Variants in AMMECR1 observed in about 807,000 individuals in gnomAD.
The protein encoded by AMMECR1 is AMMECR nuclear protein 1, also known as nuclear protein AMMECR1.
A neutral mutation model predicts 22.5 loss-of-function variants in AMMECR1; 3 were observed. The ratio of observed to expected loss-of-function variants is 0.13; its 90% CI spans 0.06 to 0.35. The LOEUF (loss-of-function observed/expected upper bound fraction) is 0.35, where lower values mean the gene tolerates loss of function less well. Among genes scored for constraint, AMMECR1 ranks in the 10% least tolerant of loss-of-function variants. AMMECR1 has a pLI of 1.00. For synonymous variants in AMMECR1, 130 were observed against 116.7 expected (o/e 1.11, Z -0.74); for missense variants, 235 against 278.7 (o/e 0.84, Z 1.12).
chrX:110,326,742 G>A (rs1174883222), intron 2 of AMMECR1, among the ~76,000 whole-genome samples: 2 of 112,028 alleles, frequency 1.8e-5, no homozygotes, highest in South Asian at 7.4e-4. Context: ...AAAGACACTG[G>A]ACGGTTTAGT....
intron 2 of AMMECR1, among the ~76,000 whole-genome samples, chrX:110,376,456 G>T (rs2068377242): frequency 9.0e-6 from 1 of 111,344 alleles, no homozygotes; most frequent in African/African-American, 3.3e-5. Context: ...TATTCTATTA[G>T]CCCAAGTGAG....
At chrX:110,334,194 G>C (rs1266358119) in intron 2 of AMMECR1, among the ~76,000 whole-genome samples, 2 of 110,792 alleles carry the variant, frequency 1.8e-5, no homozygotes, top group African/African-American at 6.6e-5. Context: ...TTGTGCTTTT[G>C]GTGCCATATT....
chrX:110,302,332 C>T (rs1373158488), intron 1 of AMMECR1, among the ~76,000 whole-genome samples: 1 of 110,781 alleles, frequency 9.0e-6, no homozygotes, highest in Non-Finnish European at 1.9e-5. Flanking sequence ...ACACTCAAAT[C>T]CAATGATTGA....
At chrX:110,290,791 A>G (rs748436564) in intron 1 of AMMECR1, among the ~76,000 whole-genome samples, 1 of 111,299 alleles carries the variant, frequency 9.0e-6, no homozygotes, top group East Asian at 2.8e-4. Flanking sequence ...TGTACAATAC[A>G]TATAAAATAC....
rs747141504 is a variant in AMMECR1 at position 110,433,354 on chromosome X, C to G, written c.-294+6536G>C. ...CAAAGGCAATTCCAAGCACTTCTCT[C>G]TCTTCCACTAAGCAGTCTGTTGTCA... On this transcript the variant is annotated intron_variant, in intron 1 of 7. Coordinates refer to the AMMECR1 transcript ENST00000372057. 3.6e-5 allele frequency among the ~76,000 whole-genome samples: 4 copies of G among 111,999 alleles called. No homozygotes were observed. The Admixed American group carries it at 3.8e-4, about 11-fold the overall frequency.
At chrX:110,295,528 T>C (rs2067931090) in intron 1 of AMMECR1, among the ~76,000 whole-genome samples, 1 of 111,907 alleles carries the variant, frequency 8.9e-6, no homozygotes, top group Non-Finnish European at 1.9e-5. Context: ...TTGAAGTTTA[T>C]CTAAAAAGGT....
At chrX:110,232,485 C>T (rs769291069) in intron 2 of AMMECR1, among the ~76,000 whole-genome samples, 8 of 111,868 alleles carry the variant, frequency 7.2e-5, no homozygotes, top group South Asian at 3.7e-4. Flanking sequence ...AAAGACACAA[C>T]GTACCGGAAT....
In AMMECR1 at chrX:110,352,250, A is replaced by C. The variant is rs1165064074; in HGVS notation, c.-147-34401T>G. On this transcript the variant is annotated intron_variant, in intron 2 of 7. Transcript: ENST00000372057. The stretch of plus-strand genomic sequence containing the variant: ...CCAAGAGAAATGAAAATACATGTTC[A>C]CACAAAAACTTGGATATGAATGTTC... Among the ~76,000 whole-genome samples, 3 of 112,199 alleles carry C rather than the reference A, an allele frequency of 2.7e-5. No homozygotes were observed. In the Admixed American group the frequency reaches 2.8e-4, roughly 11 times the overall value.
intron 1 of AMMECR1, among the ~76,000 whole-genome samples, chrX:110,435,292 C>T (rs1221173626): frequency 2.7e-5 from 3 of 111,628 alleles, no homozygotes; most frequent in Non-Finnish European, 5.7e-5. Flanking sequence ...TATCTTCTAA[C>T]AAAACCTAAT....
chrX:110,227,991 T>C (rs1231436723), intron 2 of AMMECR1, among the ~76,000 whole-genome samples: 7 of 112,136 alleles, frequency 6.2e-5, no homozygotes, highest in Non-Finnish European at 9.4e-5. Context: ...AATCAATCAA[T>C]GTTTATTGAA....
chrX:110,317,840 C>T lies in AMMECR1; in HGVS notation c.232G>A (p.Gly78Ser). The change falls in exon 1 of 6, where the codon GGC becomes AGC. Residue 78 changes from glycine to serine, a missense_variant. Around this residue, in one of 2 missense-constraint regions of AMMECR1, gnomAD observed 124 missense variants for 97.0 expected, o/e 1.28. Coordinates refer to ENST00000262844, the MANE Select transcript of AMMECR1 (RefSeq NM_015365.3). ...GACAGGGCGATCCCCCCGCCGCCGC[C>T]GCCGCAGCCCTGGGGGGGAGAGAGG... The part of the protein sequence containing the change: ...CTLSPPQGCG[G>S]GGGGIALSPP... 8.6e-7 allele frequency: 1 copy of T among 1,166,289 alleles called. No homozygotes were observed. Among genetic ancestry groups the T allele is most frequent in the East Asian group, 3.2e-5 (1 of 31,297 alleles).
intron 2 of AMMECR1, among the ~76,000 whole-genome samples, chrX:110,259,329 T>C (rs2067726688): frequency 8.9e-6 from 1 of 111,750 alleles, no homozygotes; most frequent in South Asian, 3.8e-4. Context: ...AAAAGTGGCA[T>C]AGTTCACAAT....
chrX:110,230,208 G>C (rs973575329), intron 2 of AMMECR1, among the ~76,000 whole-genome samples: 1 of 112,518 alleles, frequency 8.9e-6, no homozygotes, highest in African/African-American at 3.2e-5. Context: ...TCTTCAAGTG[G>C]GTCCCTGACC....
intron 2 of AMMECR1, among the ~76,000 whole-genome samples, chrX:110,366,508 C>T (rs1226882154): frequency 8.9e-6 from 1 of 111,767 alleles, no homozygotes; most frequent in African/African-American, 3.3e-5. Flanking sequence ...GGACACTTTT[C>T]AGCCCTTACA....
intron 2 of AMMECR1, among the ~76,000 whole-genome samples, chrX:110,239,334 C>A (rs778943932): frequency 1.8e-5 from 2 of 110,251 alleles, no homozygotes; most frequent in South Asian, 4.0e-4. Context: ...ACTAGAATAA[C>A]CAGTTTAGAG....
Position 110,426,002 on chromosome X carries a change from G to GCA in AMMECR1, c.-148+654_-148+655dup, listed in dbSNP as rs201141674. ...CGCGCACACACACACACACACAAAC[G>GCA]CACACACACACACACACACATCCTG... On this transcript the variant is annotated intron_variant, in intron 2 of 7. Coordinates refer to the AMMECR1 transcript ENST00000372057. Among the ~76,000 whole-genome samples the GCA allele has an allele frequency of 2.6e-3, 284 of 107,495 alleles. 1 individual carries two copies. Among genetic ancestry groups the GCA allele is most frequent in the Middle Eastern group, 0.015 (3 of 203 alleles). The allele number at this position is 107,495 out of a possible 115,157, so 93.3% of individuals were successfully genotyped here.
chrX:110,289,411 T>C (rs1028201818), intron 1 of AMMECR1, among the ~76,000 whole-genome samples: 4 of 112,089 alleles, frequency 3.6e-5, no homozygotes, highest in African/African-American at 9.7e-5. Flanking sequence ...ATTATACTCA[T>C]AGACACACAC....
At chrX:110,241,460 A>G (rs2067632084) in intron 2 of AMMECR1, among the ~76,000 whole-genome samples, 1 of 112,088 alleles carries the variant, frequency 8.9e-6, no homozygotes, top group Non-Finnish European at 1.9e-5. Context: ...AAACACCTCT[A>G]CGCACGTAAA....
At chrX:110,219,623 AAAG>A (rs968357399) in intron 2 of AMMECR1, 14 of 746,994 alleles carry the variant, frequency 1.9e-5, no homozygotes, top group Admixed American at 8.8e-5. Context: ...GCTTAAAAAA[AAAG>A]AAGAATGTTT....
Sources: allele counts gnomAD v4.1 joint callset (sites outside exome capture counted in the v4.1 genomes callset), GRCh38; gene constraint gnomAD v4.1.1; regional missense constraint gnomAD v4.1.1; transcripts MANE v1.5; gene names NCBI Gene and HGNC (gene_info 2026-07-23, HGNC 2026-07-21).